The following LMNTD1 variants were observed in gnomAD, a reference collection of about 807,000 sequenced individuals.
The protein encoded by LMNTD1 is lamin tail domain-containing protein 1.
A neutral mutation model predicts 50.9 loss-of-function variants in LMNTD1; 35 were observed. The observed-to-expected ratio is 0.69, with a 90% CI of 0.53 to 0.91. LMNTD1 has a LOEUF of 0.91. LMNTD1 is among the 40% of genes least tolerant of loss of function. The pLI, the probability that LMNTD1 is intolerant of heterozygous loss-of-function variation, is 0.00. For missense variants in LMNTD1, 470 were observed against 475.5 expected (o/e 0.99, Z 0.11); for synonymous variants, 153 against 161.9 (o/e 0.94, Z 0.42).
chr12:25,514,461 T>C (rs1299509528), intron 8 of LMNTD1, among the ~76,000 whole-genome samples: 1 of 151,990 alleles, frequency 6.6e-6, no homozygotes, highest in African/African-American at 2.4e-5. Flanking sequence ...GTAAAACAAT[T>C]GAACTCATGG....
chr12:25,629,814 A>AT lies in LMNTD1; in HGVS notation c.58+18679_58+18680insA, dbSNP rs545836921. On this transcript the variant is annotated intron_variant, in intron 1 of 7. Transcript: ENST00000445693. ...TAGAAGCTTAACAGAGAGAAAGAAA[A>AT]ATATATATAGAGAGAGAGACAGTTG... 1.6e-4 allele frequency among the ~76,000 whole-genome samples: 25 copies of AT among 152,238 alleles called. No homozygotes were observed. The South Asian group carries it at 5.2e-3, about 32-fold the overall frequency.
intron 9 of LMNTD1, among the ~76,000 whole-genome samples, chr12:25,485,912 TGTA>T (rs1366868773): frequency 5.5e-5 from 8 of 145,316 alleles, no homozygotes; most frequent in Non-Finnish European, 1.5e-5. Context: ...ACTGTAGCCT[TGTA>T]GTATAGTTTG....
chr12:25,620,486 G>GTA (rs1420690099), intron 1 of LMNTD1, among the ~76,000 whole-genome samples: 1 of 152,000 alleles, frequency 6.6e-6, no homozygotes, highest in African/African-American at 2.4e-5. Flanking sequence ...AGGTGGTAAA[G>GTA]TATACCTTTT....
At position 25,608,296 on chromosome 12, in the gene LMNTD1, T is replaced by G. The variant is rs532545137; in HGVS notation, c.58+40198A>C. Among the ~76,000 whole-genome samples, 3 of 152,330 alleles carry G rather than the reference T, an allele frequency of 2.0e-5. No individual in the cohort carries two copies. In the East Asian group the frequency reaches 5.8e-4, roughly 29 times the overall value. On this transcript the variant is annotated intron_variant, in intron 1 of 7. Coordinates refer to the LMNTD1 transcript ENST00000445693. ...CTTGACTCTTAATCCAATTTGCCAG[T>G]CTGTGTCTTTTAATTGGGGCATTTA...
At chr12:25,578,878 G>A (rs879255791) in intron 1 of LMNTD1, among the ~76,000 whole-genome samples, 17 of 152,232 alleles carry the variant, frequency 1.1e-4, no homozygotes, top group Admixed American at 2.6e-4. Flanking sequence ...TAAAATACAT[G>A]TTGATATTTA....
At chr12:25,562,883 A>G (rs1016728504) in intron 1 of LMNTD1, among the ~76,000 whole-genome samples, 2 of 152,114 alleles carry the variant, frequency 1.3e-5, no homozygotes, top group Non-Finnish European at 2.9e-5. Flanking sequence ...CATTTCATTC[A>G]TTTGATCTTC....
At position 25,648,351 on chromosome 12, in the gene LMNTD1, C is replaced by A. The variant is rs567036161; in HGVS notation, c.58+143G>T. 2.5e-4 allele frequency: 166 copies of A among 659,780 alleles called. 2 individuals are homozygous for A. The South Asian group carries it at 3.1e-3, about 12-fold the overall frequency. 40.9% of individuals were successfully genotyped at this position (659,780 alleles called of 1,614,324 possible). A position where few individuals can be genotyped will look rare whatever the true frequency, so the allele number is the denominator to read the frequency against. On this transcript the variant is annotated intron_variant, in intron 1 of 7. Transcript: ENST00000445693. ...CATTTTTATTACTTTAGAAATTTCA[C>A]GTTTATGAAAAAAATTGTTCTTATA...
chr12:25,544,563 A>T (rs1943305806), intron 4 of LMNTD1, among the ~76,000 whole-genome samples: 1 of 151,784 alleles, frequency 6.6e-6, no homozygotes, highest in Non-Finnish European at 1.5e-5. Flanking sequence ...ATTAAGTATT[A>T]TTATTGAAAA....
intron 4 of LMNTD1, among the ~76,000 whole-genome samples, chr12:25,527,640 CTATATATATATATATATATATATATA>C (rs61347000): frequency 0.035 from 2,146 of 61,800 alleles, 155 homozygotes; most frequent in African/African-American, 0.089. Context: ...CTTAATAACA[CTATATATATATATATATATATATATA>C]TATATATATA....
intron 9 of LMNTD1, among the ~76,000 whole-genome samples, chr12:25,482,393 A>G (rs1041602334): frequency 9.2e-5 from 14 of 151,988 alleles, no homozygotes; most frequent in Admixed American, 8.5e-4. Flanking sequence ...AAGATAGTCC[A>G]TCTACTTTCA....
chr12:25,548,550 T>G (rs951566053), intron 3 of LMNTD1, among the ~76,000 whole-genome samples: 2 of 151,994 alleles, frequency 1.3e-5, no homozygotes, highest in Non-Finnish European at 2.9e-5. Flanking sequence ...AGGATAGCCC[T>G]GTGACATTTC....
intron 1 of LMNTD1, among the ~76,000 whole-genome samples, chr12:25,613,726 T>C (rs928600161): frequency 6.6e-6 from 1 of 152,138 alleles, no homozygotes; most frequent in African/African-American, 2.4e-5. Flanking sequence ...ATATTTAATA[T>C]CAATAGAATC....
chr12:25,518,815 G>T lies in LMNTD1; in HGVS notation c.1169C>A (p.Thr390Asn). ...RLDRQPRTRS[T>N]RPNRASGSKK... ...CTGACCTGAGGCTCGATTAGGTCTG[G>T]TTGACCGAGTCCTGGGCTGTCTATC... Residue 390 changes from threonine to asparagine, a missense_variant, in exon 8 of 10, where the codon ACC becomes AAC. By Grantham distance (65) the Thr-to-Asn change is moderately conservative (BLOSUM62 0). Coordinates refer to ENST00000458174, the MANE Select transcript of LMNTD1 (RefSeq NM_001145728.2). The T allele has an allele frequency of 6.2e-7, 1 of 1,614,108 alleles. No individual in the cohort carries two copies. The highest frequency in any genetic ancestry group is 1.1e-5 in the South Asian group (1 of 91,078).
chr12:25,521,464 G>A (rs1012530822), intron 6 of LMNTD1, among the ~76,000 whole-genome samples: 5 of 152,110 alleles, frequency 3.3e-5, no homozygotes, highest in South Asian at 2.1e-4. Flanking sequence ...CTGTGTGTGC[G>A]GCTTAGCGAA....
In LMNTD1 at chr12:25,641,615, A is replaced by G. The variant is rs890827787; in HGVS notation, c.58+6879T>C. Among the ~76,000 whole-genome samples the G allele has an allele frequency of 9.8e-5, 15 of 152,312 alleles. 1 individual carries two copies. The highest frequency in any genetic ancestry group is 6.8e-3 in the Middle Eastern group (2 of 294). Reference sequence around the variant, plus strand: ...ATTAAGCTTAACTTCAAATAGATATACTTTTTATAAAAGTAATATAATAAC... The same window carrying G: ...ATTAAGCTTAACTTCAAATAGATATGCTTTTTATAAAAGTAATATAATAAC... On this transcript the variant is annotated intron_variant, in intron 1 of 7. Coordinates refer to the LMNTD1 transcript ENST00000445693.
Sources: allele counts gnomAD v4.1 joint callset (sites outside exome capture counted in the v4.1 genomes callset), GRCh38; gene constraint gnomAD v4.1.1; transcripts MANE v1.5; gene names NCBI Gene and HGNC (gene_info 2026-07-23, HGNC 2026-07-21).